The following CHIC2 variants were observed in gnomAD, a reference collection of about 807,000 sequenced individuals.
CHIC2 encodes the protein cysteine rich hydrophobic domain 2, also known as cysteine-rich hydrophobic domain-containing protein 2.
CHIC2 carries 14 observed loss-of-function variants against 25.9 expected under a neutral mutation model. The ratio of observed to expected loss-of-function variants is 0.54; its 90% CI spans 0.36 to 0.85. The LOEUF (loss-of-function observed/expected upper bound fraction) is 0.85. CHIC2 is among the 40% of genes least tolerant of loss of function. CHIC2 has a pLI of 0.01. For synonymous variants in CHIC2, 70 were observed against 72.0 expected (o/e 0.97, Z 0.14); for missense variants, 146 against 202.0 (o/e 0.72, Z 1.68).
chr4:54,059,027 A>C (rs1879640), intron 1 of CHIC2, among the ~76,000 whole-genome samples: 9,541 of 152,182 alleles, frequency 0.063, 1,014 homozygotes, highest in African/African-American at 0.21. Context: ...ATAAATTCTC[A>C]AATTCAAATA....
chr4:54,083,008 T>C, the CHIC2 span, among the ~76,000 whole-genome samples: 4 of 141,142 alleles, frequency 2.8e-5, no homozygotes, highest in South Asian at 9.0e-4. Flanking sequence ...ACTTTCTTTT[T>C]TCTTTCTTTC....
At chr4:54,057,157 T>C (rs1271657515) in intron 1 of CHIC2, among the ~76,000 whole-genome samples, 1 of 152,206 alleles carries the variant, frequency 6.6e-6, no homozygotes, top group African/African-American at 2.4e-5. Flanking sequence ...TGTATTTCCA[T>C]ACCTCATAGG....
chr4:54,028,967 C>A (rs180980498), intron 3 of CHIC2, among the ~76,000 whole-genome samples: 1 of 151,968 alleles, frequency 6.6e-6, no homozygotes, highest in East Asian at 1.9e-4. Context: ...TACTAAAATA[C>A]AAAAAATTAG....
intron 1 of CHIC2, chr4:54,061,196 C>T (rs1270532532): frequency 6.6e-6 from 1 of 152,090 alleles, no homozygotes; most frequent in East Asian, 1.9e-4. Context: ...CATGTTGCAT[C>T]CTATGTCACA....
chr4:54,019,099 C>T (rs1467273319), intron 3 of CHIC2, among the ~76,000 whole-genome samples: 1 of 151,814 alleles, frequency 6.6e-6, no homozygotes, highest in Non-Finnish European at 1.5e-5. Flanking sequence ...ATTATTTTAA[C>T]ATAAGAGAAC....
chr4:54,049,386 C>A (rs899203754), intron 1 of CHIC2, 81 bp from the exon 2 acceptor site: 9 of 821,400 alleles, frequency 1.1e-5, no homozygotes, highest in African/African-American at 7.1e-5. Flanking sequence ...AAGGTCAAGT[C>A]AATAGAAAGC....
chr4:54,068,007 TG>T (rs1445582274), upstream of CHIC2, among the ~76,000 whole-genome samples: 351 of 151,052 alleles, frequency 2.3e-3, 7 homozygotes, highest in Non-Finnish European at 6.5e-4. Flanking sequence ...TAGGTTGAGA[TG>T]AGGTCAAGAG....
At chr4:54,047,123 G>C (rs1341455712) in intron 3 of CHIC2, among the ~76,000 whole-genome samples, 1 of 152,160 alleles carries the variant, frequency 6.6e-6, no homozygotes, top group African/African-American at 2.4e-5. Flanking sequence ...CAGTTAGAAT[G>C]GCGATCATTA....
At chr4:54,062,856 T>C (rs1044867378) in intron 1 of CHIC2, among the ~76,000 whole-genome samples, 1 of 152,154 alleles carries the variant, frequency 6.6e-6, no homozygotes, top group Non-Finnish European at 1.5e-5. Flanking sequence ...GTTAAAAGTT[T>C]AATATCCATG....
At chr4:54,071,134 A>G in the CHIC2 span, among the ~76,000 whole-genome samples, 1 of 152,218 alleles carries the variant, frequency 6.6e-6, no homozygotes, top group African/African-American at 2.4e-5. Flanking sequence ...GATCTAAACT[A>G]GGCTGGGAGC....
At chr4:54,045,869 T>C (rs904540596) in intron 3 of CHIC2, among the ~76,000 whole-genome samples, 3 of 151,654 alleles carry the variant, frequency 2.0e-5, no homozygotes, top group Non-Finnish European at 4.4e-5. Context: ...TGTCCCTGTT[T>C]GCAGATGACA....
In CHIC2 at chr4:54,022,678, T is replaced by A. The variant is rs192566258; in HGVS notation, c.331-8559A>T. On this transcript the variant is annotated intron_variant, in intron 3 of 5. Transcript: ENST00000263921. ...GCCTCCTTCACATCTTCCTCTTGTA[T>A]CCCTCCACCTTAACGCACAGGTACG... Among the ~76,000 whole-genome samples, 1,119 of 152,106 alleles carry A rather than the reference T, an allele frequency of 7.4e-3. 7 individuals are homozygous for A. Among genetic ancestry groups the A allele is most frequent in the Middle Eastern group, 0.014 (4 of 294 alleles).
At chr4:54,029,821 T>G (rs1259073165) in intron 3 of CHIC2, among the ~76,000 whole-genome samples, 1 of 152,212 alleles carries the variant, frequency 6.6e-6, no homozygotes. Flanking sequence ...TCCTCCCATA[T>G]ACCAATATTC....
intron 3 of CHIC2, among the ~76,000 whole-genome samples, chr4:54,033,981 T>C (rs529453047): frequency 6.6e-6 from 1 of 152,284 alleles, no homozygotes; most frequent in South Asian, 2.1e-4. Context: ...TGTTTTGCTT[T>C]TGTAGGTTGT....
In CHIC2 at chr4:54,064,230, T is replaced by G; in HGVS notation, c.71A>C (p.Lys24Thr). The G allele has an allele frequency of 6.2e-7, 1 of 1,609,268 alleles. No individual in the cohort carries two copies. The highest frequency in any genetic ancestry group is 8.5e-7 in the Non-Finnish European group (1 of 1,177,946). The change falls in exon 1 of 6, where the codon AAG becomes ACG. Residue 24 changes from lysine to threonine, a missense_variant. Transcript: ENST00000263921. This position sits in a 1 kb window ranked among gnomAD's most constrained non-coding sequence, Gnocchi z 4.2. ...GACGACCACCGGGTCCGGCGAGTACTTGAGCAGCTGCTCCTCCAGGGCCCG... is the reference window on the plus strand; with the variant it reads ...GACGACCACCGGGTCCGGCGAGTACGTGAGCAGCTGCTCCTCCAGGGCCCG... ...EERALEEQLLKYSPDPVVVRG... is the reference protein window; with the variant it reads ...EERALEEQLLTYSPDPVVVRG...
At chr4:54,083,483 A>T in the CHIC2 span, among the ~76,000 whole-genome samples, 1 of 152,220 alleles carries the variant, frequency 6.6e-6, no homozygotes, top group East Asian at 1.9e-4. Flanking sequence ...AACAACAAAA[A>T]ACTGCTTATC....
chr4:54,022,484 C>T (rs1715932764), intron 3 of CHIC2, among the ~76,000 whole-genome samples: 1 of 152,066 alleles, frequency 6.6e-6, no homozygotes, highest in South Asian at 2.1e-4. Context: ...CTTAAAACTC[C>T]CCAACTCTGA....
intron 3 of CHIC2, among the ~76,000 whole-genome samples, chr4:54,040,194 T>C (rs11731036): frequency 0.17 from 26,519 of 152,206 alleles, 3,130 homozygotes; most frequent in East Asian, 0.5. Flanking sequence ...AATTTTACTG[T>C]ATATTAAAAA....
intron 3 of CHIC2, among the ~76,000 whole-genome samples, chr4:54,032,427 G>T (rs1716259300): frequency 6.6e-6 from 1 of 152,024 alleles, no homozygotes; most frequent in Non-Finnish European, 1.5e-5. Context: ...CGCCACGCCT[G>T]ACTGGTTTTC....
Sources: allele counts gnomAD v4.1 joint callset (sites outside exome capture counted in the v4.1 genomes callset), GRCh38; gene constraint gnomAD v4.1.1; non-coding constraint Gnocchi (gnomAD v3.1); transcripts MANE v1.5; gene names NCBI Gene and HGNC (gene_info 2026-07-23, HGNC 2026-07-21).